The following ZMAT4 variants were observed in gnomAD, a reference collection of about 807,000 sequenced individuals.
ZMAT4 encodes zinc finger matrin-type protein 4.
In ZMAT4, 17 loss-of-function variants were observed where a neutral mutation model predicts 28.7. That is an observed-to-expected ratio of 0.59 (90% CI 0.41 to 0.89). ZMAT4 has a LOEUF of 0.89. Ranked by LOEUF, ZMAT4 falls within the 40% of genes least tolerant of loss-of-function variation. ZMAT4 has a pLI of 0.00. For synonymous variants in ZMAT4, 117 were observed against 109.2 expected (o/e 1.07, Z -0.44); for missense variants, 240 against 283.8 (o/e 0.85, Z 1.11).
intron 6 of ZMAT4, among the ~76,000 whole-genome samples, chr8:40,542,034 T>C (rs923081635): frequency 6.6e-6 from 1 of 151,888 alleles, no homozygotes; most frequent in Non-Finnish European, 1.5e-5. Context: ...GTGCAAGGGA[T>C]GAGTTGGCAG....
intron 6 of ZMAT4, among the ~76,000 whole-genome samples, chr8:40,536,962 A>G (rs1802867509): frequency 6.6e-6 from 1 of 152,088 alleles, no homozygotes; most frequent in African/African-American, 2.4e-5. Context: ...CCTAGAGAGA[A>G]TAGAATCAGG....
chr8:40,595,744 G>A (rs1230166769), intron 5 of ZMAT4, among the ~76,000 whole-genome samples: 1 of 152,130 alleles, frequency 6.6e-6, no homozygotes, highest in East Asian at 1.9e-4. Context: ...TGCTTAGGGT[G>A]AGTCAGTGAC....
chr8:40,775,908 T>C (rs780945088), intron 2 of ZMAT4, among the ~76,000 whole-genome samples: 4 of 152,090 alleles, frequency 2.6e-5, no homozygotes, highest in African/African-American at 9.7e-5. Context: ...ACATCAGAGA[T>C]TGTGCTCTCT....
intron 5 of ZMAT4, among the ~76,000 whole-genome samples, chr8:40,645,992 A>G (rs907771371): frequency 9.2e-5 from 14 of 152,074 alleles, no homozygotes; most frequent in Non-Finnish European, 1.8e-4. Context: ...ATAGATAAGC[A>G]TCTCCTTTGT....
chr8:40,669,775 A>G (rs1808591647), intron 5 of ZMAT4, among the ~76,000 whole-genome samples: 1 of 152,188 alleles, frequency 6.6e-6, no homozygotes, highest in Admixed American at 6.5e-5. Context: ...GCAGATTTTC[A>G]ACCGTGTAGG....
intron 3 of ZMAT4, among the ~76,000 whole-genome samples, chr8:40,755,740 A>T (rs1812652068): frequency 6.6e-6 from 1 of 152,204 alleles, no homozygotes; most frequent in African/African-American, 2.4e-5. Flanking sequence ...GGTGCGAACC[A>T]CTGCACCCAG....
At chr8:40,817,630 G>T (rs577683237) in intron 2 of ZMAT4, among the ~76,000 whole-genome samples, 1 of 152,326 alleles carries the variant, frequency 6.6e-6, no homozygotes, top group South Asian at 2.1e-4. Flanking sequence ...ATTGAAAAGT[G>T]TAGGGGAAAG....
intron 3 of ZMAT4, among the ~76,000 whole-genome samples, chr8:40,721,918 T>C (rs1327835347): frequency 6.6e-6 from 1 of 152,006 alleles, no homozygotes; most frequent in African/African-American, 2.4e-5. Context: ...AAACAAGCAA[T>C]GGGGAAAGGA....
intron 4 of ZMAT4, among the ~76,000 whole-genome samples, chr8:40,689,143 A>G (rs1219682688): frequency 6.6e-6 from 1 of 152,206 alleles, no homozygotes; most frequent in Admixed American, 6.5e-5. Context: ...GAAACGGAGG[A>G]GACTTGGCCC....
chr8:40,814,704 A>G (rs1242068347), intron 2 of ZMAT4, among the ~76,000 whole-genome samples: 1 of 152,266 alleles, frequency 6.6e-6, no homozygotes, highest in African/African-American at 2.4e-5. Flanking sequence ...CTATATGCAT[A>G]GAATATTTCA....
chr8:40,773,046 C>T (rs1465215872), intron 2 of ZMAT4, among the ~76,000 whole-genome samples: 1 of 152,202 alleles, frequency 6.6e-6, no homozygotes, highest in Non-Finnish European at 1.5e-5. Context: ...GCAGCATGGT[C>T]TCACTAGGAG....
At chr8:40,798,092 C>G (rs1814671327) in intron 2 of ZMAT4, among the ~76,000 whole-genome samples, 1 of 152,196 alleles carries the variant, frequency 6.6e-6, no homozygotes, top group African/African-American at 2.4e-5. Flanking sequence ...CGCCAAAGAA[C>G]TGGGTGCAGG....
chr8:40,795,542 C>T (rs1407512685), intron 2 of ZMAT4, among the ~76,000 whole-genome samples: 1 of 152,180 alleles, frequency 6.6e-6, no homozygotes, highest in Non-Finnish European at 1.5e-5. Flanking sequence ...ATGACACCTG[C>T]TTCCTCCCTG....
rs75096209 is a variant in ZMAT4, at chr8:40,668,798, C to A, written c.577+5906G>T. Among the ~76,000 whole-genome samples the A allele has an allele frequency of 7.2e-3, 1,098 of 152,008 alleles. 12 individuals are homozygous for A. Among genetic ancestry groups the A allele is most frequent in the African/African-American group, 0.026 (1,062 of 41,542 alleles). On this transcript the variant is annotated intron_variant, in intron 5 of 6. Transcript: ENST00000297737. ...ACAAGAAGCCCTGGACAACAACAAC[C>A]ATTTTTCTGTATTGGCTCCATCGAT...
intron 5 of ZMAT4, among the ~76,000 whole-genome samples, chr8:40,616,116 G>C (rs73624536): frequency 6.6e-6 from 1 of 152,064 alleles, no homozygotes; most frequent in Non-Finnish European, 1.5e-5. Context: ...CATTTATGCA[G>C]TCAACAGACG....
chr8:40,745,162 A>G (rs1274557873), intron 3 of ZMAT4, among the ~76,000 whole-genome samples: 5 of 152,318 alleles, frequency 3.3e-5, no homozygotes, highest in African/African-American at 9.6e-5. Context: ...CAGGTCAAAT[A>G]TAATTCAATC....
chr8:40,767,619 TC>T (rs752912068), intron 3 of ZMAT4, 21 bp downstream of exon 3: 3 of 1,598,630 alleles, frequency 1.9e-6, no homozygotes, highest in Middle Eastern at 3.3e-4. Context: ...TCTGAGGATA[TC>T]ACGTGGTACC....
chr8:40,859,836 T>C (rs1817428739), intron 1 of ZMAT4, among the ~76,000 whole-genome samples: 1 of 152,038 alleles, frequency 6.6e-6, no homozygotes, highest in Non-Finnish European at 1.5e-5. Flanking sequence ...AGTTCCTGTT[T>C]TGGTGTAATG....
At chr8:40,620,185 A>C (rs1806145481) in intron 5 of ZMAT4, among the ~76,000 whole-genome samples, 1 of 152,220 alleles carries the variant, frequency 6.6e-6, no homozygotes, top group Non-Finnish European at 1.5e-5. Context: ...GGGTATGCGT[A>C]CTGACCACCT....
Sources: gnomAD v4.1 joint callset for allele counts (sites outside exome capture counted in the v4.1 genomes callset) on GRCh38, gnomAD v4.1.1 for gene constraint, MANE v1.5 for transcripts, NCBI Gene and HGNC (gene_info 2026-07-23, HGNC 2026-07-21) for gene names.